Variants in BTAF1 observed in about 807,000 individuals in gnomAD.
BTAF1 encodes the protein B-TFIID TATA-box binding protein associated factor 1.
In BTAF1, 38 loss-of-function variants were observed where a neutral mutation model predicts 227.1. That is an observed-to-expected ratio of 0.17 (90% confidence interval 0.13 to 0.22). BTAF1 has a LOEUF of 0.22. Ranked by LOEUF, BTAF1 falls within the 10% of genes least tolerant of loss-of-function variation. The pLI, the probability that BTAF1 is intolerant of heterozygous loss-of-function variation, is 1.00. For synonymous variants in BTAF1, 742 were observed against 751.9 expected, an observed-to-expected ratio of 0.99 and a Z score of 0.21; for missense variants, 1,598 against 2,204.0, an observed-to-expected ratio of 0.73 and a Z score of 5.51.
intron 33 of BTAF1, among the ~76,000 whole-genome samples, chr10:92,016,672 C>G (rs1850757476): frequency 2.0e-5 from 3 of 151,996 alleles, no homozygotes; most frequent in African/African-American, 7.3e-5. Flanking sequence ...GATGGAGTTT[C>G]GCCATGTTGG....
chr10:91,940,228 C>T (rs1452094441), intron 3 of BTAF1, among the ~76,000 whole-genome samples, 162 bp downstream of exon 3: 5 of 148,076 alleles, frequency 3.4e-5, no homozygotes, highest in Non-Finnish European at 6.0e-5. Context: ...GATTTTTCAC[C>T]ACATTAAAAA....
In BTAF1 at chr10:92,007,062, G is replaced by A. The variant is rs535305365; in HGVS notation, c.3661-1061G>A. Among the ~76,000 whole-genome samples the A allele has an allele frequency of 3.3e-5, 5 of 151,422 alleles. No individual in the cohort carries two copies. In the South Asian group the frequency reaches 1.0e-3, roughly 32 times the overall value. ...TATTTGGGTTTTTTTTTTTAAAATG[G>A]CTAGTTCAGCTCCTCAACAGATTGT... is the stretch of plus-strand genomic sequence containing the variant. On this transcript the variant is annotated intron_variant, in intron 25 of 37. Transcript: ENST00000265990.
intron 14 of BTAF1, among the ~76,000 whole-genome samples, chr10:91,979,229 C>T (rs1847915468): frequency 2.0e-5 from 3 of 152,084 alleles, no homozygotes; most frequent in Admixed American, 2.0e-4. Flanking sequence ...TGTTGATGGG[C>T]ATTTAGGTTG....
chr10:92,028,124 G>C (rs1471205334), intron 37 of BTAF1, among the ~76,000 whole-genome samples: 1 of 152,114 alleles, frequency 6.6e-6, no homozygotes, highest in African/African-American at 2.4e-5. Context: ...AAAGTTGAAA[G>C]AATGAGACAT....
intron 11 of BTAF1, among the ~76,000 whole-genome samples, chr10:91,961,289 TTAGGCATTGGCCTATA>T (rs1846491792): frequency 6.6e-6 from 1 of 152,188 alleles, no homozygotes; most frequent in African/African-American, 2.4e-5. Flanking sequence ...TGTCAGGGTG[TTAGGCATTGGCCTATA>T]TAGGCATTTC....
In BTAF1 at chr10:91,965,221, G is replaced by A. The variant is rs1164291501; in HGVS notation, c.1529+1020G>A. Among the ~76,000 whole-genome samples, 3 of 152,284 alleles carry A rather than the reference G, an allele frequency of 2.0e-5. No homozygotes were observed. The East Asian group carries it at 5.8e-4, about 29-fold the overall frequency. On this transcript the variant is annotated intron_variant, in intron 13 of 37. Coordinates refer to ENST00000265990, the MANE Select transcript of BTAF1 (RefSeq NM_003972.3). ...GATGTTTCTATTACTAATGAAAGCT[G>A]TACAAACTAAATGAGTTAATCTATG...
chr10:91,963,982 T>C (rs1268230701), intron 12 of BTAF1, 95 bp from the exon 13 acceptor site: 15 of 1,342,520 alleles, frequency 1.1e-5, no homozygotes, highest in African/African-American at 1.5e-5. Context: ...TTGCATGTGT[T>C]GTTGAATCAG....
chr10:91,942,773 T>C (rs190874493), intron 4 of BTAF1, among the ~76,000 whole-genome samples: 151 of 152,314 alleles, frequency 9.9e-4, no homozygotes, highest in African/African-American at 3.5e-3. Flanking sequence ...TTTTTTCTCC[T>C]TTAAGTGAAT....
At chr10:91,937,258 G>A (rs1729237727) in intron 2 of BTAF1, among the ~76,000 whole-genome samples, 1 of 152,104 alleles carries the variant, frequency 6.6e-6, no homozygotes, top group Non-Finnish European at 1.5e-5. Context: ...CTCCCAAAGT[G>A]CTGGGATTGC....
Position 91,953,761 on chromosome 10 carries a change from G to C in BTAF1, c.589G>C (p.Asp197His). Reference sequence around the variant, plus strand: ...GACTCTTCAGGCAGCTGAATTGATTGACTCAGAGTTTCGAGCAGGAATGAG... The same window carrying C: ...GACTCTTCAGGCAGCTGAATTGATTCACTCAGAGTTTCGAGCAGGAATGAG... The part of the protein sequence containing the change: ...QPTLQAAELI[D>H]SEFRAGMSNR... Residue 197 changes from aspartate (D) to histidine (H), a missense_variant, in exon 6 of 38, where the codon GAC (aspartate) becomes CAC (histidine). Transcript: ENST00000265990. 1 of 1,613,910 alleles carries C rather than the reference G, an allele frequency of 6.2e-7. No individual in the cohort carries two copies. The highest frequency in any genetic ancestry group is 8.5e-7 in the Non-Finnish European group (1 of 1,179,914).
chr10:91,967,193 T>A (rs1276237994), intron 14 of BTAF1, among the ~76,000 whole-genome samples: 1 of 152,164 alleles, frequency 6.6e-6, no homozygotes, highest in Non-Finnish European at 1.5e-5. Flanking sequence ...CTCTTGCCTT[T>A]ATTTAAAGAT....
chr10:91,959,185 A>G (rs773296447), intron 9 of BTAF1, 31 bp downstream of exon 9: 1 of 1,613,058 alleles, frequency 6.2e-7, no homozygotes, highest in Non-Finnish European at 8.5e-7. Flanking sequence ...ATTATCACCA[A>G]GTATTAATAG....
chr10:92,019,419 C>T (rs1850961587), intron 34 of BTAF1, among the ~76,000 whole-genome samples: 1 of 152,140 alleles, frequency 6.6e-6, no homozygotes, highest in Non-Finnish European at 1.5e-5. Context: ...TCAGTGGACA[C>T]TTGGGTTGTT....
rs72823185 is a variant in BTAF1 at position 91,935,553 on chromosome 10, C to A, written c.15-104C>A. Reference sequence around the variant, plus strand: ...TCTTTCCGGGGCTCATTTATGTTAGCGTAGGTCTTCATTCATAGCATCTGC... The same window carrying A: ...TCTTTCCGGGGCTCATTTATGTTAGAGTAGGTCTTCATTCATAGCATCTGC... On this transcript the variant is annotated intron_variant, in intron 1 of 37. Transcript: ENST00000265990. 1.0e-4 allele frequency: 128 copies of A among 1,237,482 alleles called. No homozygotes were observed. In the Middle Eastern group the frequency reaches 1.2e-3, roughly 11 times the overall value. The allele number at this position is 1,237,482 out of a possible 1,614,324, so 76.7% of individuals were successfully genotyped here.
intron 14 of BTAF1, among the ~76,000 whole-genome samples, chr10:91,975,456 C>T (rs1847617664): frequency 6.6e-6 from 1 of 152,124 alleles, no homozygotes; most frequent in African/African-American, 2.4e-5. Context: ...ATTTAGCTGA[C>T]CTTCAATAAA....
At chr10:92,018,497 A>G (rs1484408853) in intron 33 of BTAF1, among the ~76,000 whole-genome samples, 4 of 152,188 alleles carry the variant, frequency 2.6e-5, no homozygotes, top group Non-Finnish European at 4.4e-5. Flanking sequence ...TTTAAAGAAA[A>G]CAACTAAGAC....
In BTAF1 at chr10:91,961,774, A is replaced by G. The variant is rs548109552; in HGVS notation, c.1264-764A>G. 2.0e-5 allele frequency among the ~76,000 whole-genome samples: 3 copies of G among 152,290 alleles called. No individual in the cohort carries two copies. In the South Asian group the frequency reaches 6.2e-4, roughly 32 times the overall value. ...TTCCTAGTATATGATCACAGGAGTA[A>G]TGTCTGGGGCCTGGTCTGTTGGGGG... On this transcript the variant is annotated intron_variant, in intron 11 of 37. Coordinates refer to ENST00000265990, the MANE Select transcript of BTAF1 (RefSeq NM_003972.3).
intron 35 of BTAF1, 32 bp from the exon 36 acceptor site, chr10:92,026,559 TG>T: frequency 6.5e-7 from 1 of 1,544,726 alleles, no homozygotes; most frequent in South Asian, 1.2e-5. Flanking sequence ...GACTTAAGAA[TG>T]GACTAATTTT....
At chr10:91,988,537 T>C (rs1047788697) in intron 19 of BTAF1, among the ~76,000 whole-genome samples, 1 of 152,242 alleles carries the variant, frequency 6.6e-6, no homozygotes, top group African/African-American at 2.4e-5. Flanking sequence ...GGTACAACAG[T>C]CCTGTAGCCT....
Sources: allele counts gnomAD v4.1 joint callset (sites outside exome capture counted in the v4.1 genomes callset), GRCh38; gene constraint gnomAD v4.1.1; transcripts MANE v1.5; gene names NCBI Gene and HGNC (gene_info 2026-07-23, HGNC 2026-07-21).